Variants in FAM227A observed in about 807,000 individuals in gnomAD.
The protein encoded by FAM227A is protein FAM227A.
Under a neutral mutation model 74.7 loss-of-function variants are expected in FAM227A, and 80 were observed. The observed-to-expected ratio is 1.07, with a 90% CI of 0.89 to 1.29. The LOEUF is 1.29. Among genes scored for constraint, FAM227A ranks in the 50% most tolerant of loss-of-function variants. The pLI, the probability that FAM227A is intolerant of heterozygous loss-of-function variation, is 0.00. For synonymous variants in FAM227A, 237 were observed against 241.8 expected (o/e 0.98, Z 0.19); for missense variants, 654 against 683.4 (o/e 0.96, Z 0.48).
chr22:38,636,771 T>C (rs1342371770), intron 5 of FAM227A, among the ~76,000 whole-genome samples, 174 bp from the exon 6 acceptor site: 1 of 55,064 alleles, frequency 1.8e-5, no homozygotes, highest in Non-Finnish European at 3.6e-5. Flanking sequence ...ACATTATTTC[T>C]TTTTTTTTTT....
Position 38,582,932 on chromosome 22 carries a change from G to C in FAM227A, c.*3193C>G. The C allele has an allele frequency of 6.4e-7, 1 of 1,550,482 alleles. No individual in the cohort carries two copies. The highest frequency in any genetic ancestry group is 8.7e-7 in the Non-Finnish European group (1 of 1,146,972). ...TAAGCGGGGTCCTGGAGGAAGAGCA[G>C]GAATTAGTGATGTTGGCAGTTAACA... is the stretch of plus-strand genomic sequence containing the variant. On this transcript the variant is annotated 3_prime_UTR_variant, in exon 17 of 17. Transcript: ENST00000535113.
intron 10 of FAM227A, 144 bp downstream of exon 10, chr22:38,623,028 G>A (rs1483751946): frequency 1.6e-5 from 10 of 618,968 alleles, no homozygotes; most frequent in South Asian, 9.6e-5. Flanking sequence ...CCACAAGCAC[G>A]AAGAATTTTG....
chr22:38,639,848 G>T, intron 3 of FAM227A, 124 bp from the exon 4 acceptor site: 1 of 703,580 alleles, frequency 1.4e-6, no homozygotes. Context: ...TTTGTGGACA[G>T]TGCCTTGTCT....
At chr22:38,587,774 CAAGAA>C (rs2090840999) in intron 16 of FAM227A, among the ~76,000 whole-genome samples, 1 of 152,066 alleles carries the variant, frequency 6.6e-6, no homozygotes, top group Non-Finnish European at 1.5e-5. Context: ...AAAGAAATGA[CAAGAA>C]AAGAAATTAT....
intron 1 of FAM227A, chr22:38,653,739 C>T (rs1211666218): frequency 1.3e-5 from 2 of 152,162 alleles, no homozygotes; most frequent in Non-Finnish European, 2.9e-5. Context: ...AAATTGTCTT[C>T]CATGAAACTG....
At chr22:38,615,570 G>A (rs537548962) in intron 11 of FAM227A, among the ~76,000 whole-genome samples, 137 of 152,294 alleles carry the variant, frequency 9.0e-4, no homozygotes, top group Admixed American at 2.3e-3. Context: ...GGCCCAACCA[G>A]GCATAGACCT....
intron 15 of FAM227A, 103 bp downstream of exon 15, chr22:38,597,101 C>G (rs914878770): frequency 2.2e-5 from 24 of 1,076,186 alleles, no homozygotes; most frequent in Non-Finnish European, 3.1e-5. Flanking sequence ...ATGATGGTTA[C>G]AGGAAACCCC....
chr22:38,652,144 C>T (rs2092332247), intron 1 of FAM227A, among the ~76,000 whole-genome samples: 1 of 151,678 alleles, frequency 6.6e-6, no homozygotes, highest in Non-Finnish European at 1.5e-5. Flanking sequence ...TGAGATCATG[C>T]CACTGCATTC....
chr22:38,607,384 T>C lies in FAM227A; in HGVS notation c.1126+5A>G. 1.9e-6 allele frequency: 3 copies of C among 1,546,404 alleles called. No homozygotes were observed. Among genetic ancestry groups the C allele is most frequent in the Non-Finnish European group, 2.6e-6 (3 of 1,142,344 alleles). On this transcript the variant is annotated splice_donor_5th_base_variant and intron_variant, in intron 12 of 16. Transcript: ENST00000535113. ...CTACATTTCCCTTTTTGGTAGTCAA[T>C]ATACCTTTTGCAGTATTCTGCATTC...
intron 10 of FAM227A, among the ~76,000 whole-genome samples, chr22:38,621,493 A>C (rs1340324618): frequency 6.6e-6 from 1 of 151,218 alleles, no homozygotes; most frequent in African/African-American, 2.4e-5. Flanking sequence ...AAAAGTGTCT[A>C]TGTCGGGAGG....
At position 38,599,579 on chromosome 22, in the gene FAM227A, A is replaced by G. The variant is rs776509633; in HGVS notation, c.1379+185T>C. Among the ~76,000 whole-genome samples, 159 of 152,144 alleles carry G rather than the reference A, an allele frequency of 1.0e-3. 1 individual carries two copies. The highest frequency in any genetic ancestry group is 8.8e-4 in the Non-Finnish European group (60 of 68,030). ...ATGGCCAGTTCACGAGGCTGGCTCT[A>G]GATTTGGAACTAAGATGAGCACGAT... On this transcript the variant is annotated intron_variant, in intron 14 of 16. Transcript: ENST00000535113.
At chr22:38,651,442 T>C (rs2092320598) in intron 1 of FAM227A, among the ~76,000 whole-genome samples, 1 of 152,114 alleles carries the variant, frequency 6.6e-6, no homozygotes, top group Non-Finnish European at 1.5e-5. Flanking sequence ...GGCGCGATCT[T>C]GGCTCACTCA....
intron 6 of FAM227A, among the ~76,000 whole-genome samples, chr22:38,634,252 T>C (rs1207529880): frequency 6.7e-6 from 1 of 150,252 alleles, no homozygotes; most frequent in African/African-American, 2.5e-5. Context: ...AAGATTGAAT[T>C]GTAGAGAGTT....
intron 11 of FAM227A, among the ~76,000 whole-genome samples, chr22:38,616,791 A>T (rs2091587125): frequency 6.6e-6 from 1 of 152,032 alleles, no homozygotes; most frequent in Non-Finnish European, 1.5e-5. Flanking sequence ...GAATGGGAGG[A>T]AATGAAGATG....
chr22:38,632,129 G>A lies in FAM227A; in HGVS notation c.520-3194C>T, dbSNP rs754778157. 8.5e-5 allele frequency among the ~76,000 whole-genome samples: 13 copies of A among 152,170 alleles called. 1 individual carries two copies. The highest frequency in any genetic ancestry group is 3.1e-4 in the African/African-American group (13 of 41,446). On this transcript the variant is annotated intron_variant, in intron 6 of 16. Coordinates refer to ENST00000535113, the MANE Select transcript of FAM227A (RefSeq NM_001013647.2). ...ACGGATGGGTATGAGAGCCTGAGGG[G>A]CACTGAGGTTAGATAGAGGCAGAGG...
In FAM227A at chr22:38,582,709, C is replaced by T; in HGVS notation, c.*3416G>A. 2 of 1,069,688 alleles carry T rather than the reference C, an allele frequency of 1.9e-6. No homozygotes were observed. Among genetic ancestry groups the T allele is most frequent in the Non-Finnish European group, 1.3e-6 (1 of 743,600 alleles). The allele number at this position is 1,069,688 out of a possible 1,614,324, so 66.3% of individuals were successfully genotyped here. ...AGACAGAAATGCAGTTTGTCCTGGG[C>T]TTAGAAAATAAGGAGACCTTCTTGC... is the stretch of plus-strand genomic sequence containing the variant. On this transcript the variant is annotated 3_prime_UTR_variant, in exon 17 of 17. Coordinates refer to ENST00000535113, the MANE Select transcript of FAM227A (RefSeq NM_001013647.2).
chr22:38,598,245 GTTAT>G (rs2091093210), intron 14 of FAM227A, among the ~76,000 whole-genome samples: 2 of 152,086 alleles, frequency 1.3e-5, no homozygotes, highest in African/African-American at 2.4e-5. Flanking sequence ...AATCCTGGTA[GTTAT>G]TTATGTAGTA....
rs2091854394 is a variant in FAM227A, at chr22:38,628,492, AT to A, written c.622-151del. On this transcript the variant is annotated intron_variant, in intron 7 of 16. Coordinates refer to ENST00000535113, the MANE Select transcript of FAM227A (RefSeq NM_001013647.2). ...ATATGCTTTATGAAATAATGTGTTC[AT>A]TTTTGGGGATAAGATGTACAAAGCA... 4.7e-6 allele frequency: 3 copies of A among 644,984 alleles called. No individual in the cohort carries two copies. The East Asian group carries it at 8.2e-5, about 18-fold the overall frequency. 40.0% of individuals were successfully genotyped at this position (644,984 alleles called of 1,614,324 possible). A position where few individuals can be genotyped will look rare whatever the true frequency, so the allele number is the denominator to read the frequency against.
chr22:38,618,433 T>C (rs2091621617), intron 11 of FAM227A: 1 of 152,216 alleles, frequency 6.6e-6, no homozygotes, highest in Non-Finnish European at 1.5e-5. Context: ...CCTAAACCTC[T>C]TTTCCTTTGT....
Sources: allele counts gnomAD v4.1 joint callset (sites outside exome capture counted in the v4.1 genomes callset), GRCh38; gene constraint gnomAD v4.1.1; transcripts MANE v1.5; gene names NCBI Gene and HGNC (gene_info 2026-07-23, HGNC 2026-07-21).